FRMD6: variants seen among roughly 807,000 people sequenced by gnomAD.
FRMD6 encodes FERM domain containing 6.
A neutral mutation model predicts 73.2 loss-of-function variants in FRMD6; 37 were observed. That is an observed-to-expected ratio of 0.51 (90% CI 0.39 to 0.66). The LOEUF is 0.66. FRMD6 is among the 30% of genes least tolerant of loss of function. FRMD6 has a pLI of 0.00. For synonymous variants in FRMD6, 273 were observed against 282.2 expected (o/e 0.97, Z 0.33); for missense variants, 714 against 780.5 (o/e 0.91, Z 1.02).
At chr14:51,418,557 A>C in the FRMD6 span, among the ~76,000 whole-genome samples, 1 of 152,312 alleles carries the variant, frequency 6.6e-6, no homozygotes, top group East Asian at 1.9e-4. Flanking sequence ...GCTTCATCCC[A>C]GAGGGGCACC....
the FRMD6 span, among the ~76,000 whole-genome samples, chr14:51,403,698 A>G: frequency 6.6e-6 from 1 of 152,210 alleles, no homozygotes; most frequent in African/African-American, 2.4e-5. Context: ...CACCATGCCC[A>G]GTCTTGCAAC....
At chr14:51,428,254 T>G in the FRMD6 span, among the ~76,000 whole-genome samples, 1 of 152,128 alleles carries the variant, frequency 6.6e-6, no homozygotes, top group Admixed American at 6.5e-5. Context: ...CAATACAAAC[T>G]ATCAGTGCCC....
chr14:51,662,147 C>T (rs1893257628), intron 1 of FRMD6, among the ~76,000 whole-genome samples: 1 of 152,144 alleles, frequency 6.6e-6, no homozygotes, highest in Non-Finnish European at 1.5e-5. Flanking sequence ...AAGACTTTTT[C>T]ATTTCTAGTA....
chr14:51,466,069 C>T, the FRMD6 span, among the ~76,000 whole-genome samples: 1 of 151,804 alleles, frequency 6.6e-6, no homozygotes, highest in Non-Finnish European at 1.5e-5. Context: ...GAACATCTTT[C>T]TACATGTTTA....
At chr14:51,500,849 C>G (rs10400720) in intron 1 of FRMD6, among the ~76,000 whole-genome samples, 56,751 of 151,578 alleles carry the variant, frequency 0.37, 10,742 homozygotes, top group East Asian at 0.5. Context: ...ATACGGTGAG[C>G]AGTACAGTGA....
At chr14:51,631,764 T>C (rs1891345966) in intron 2 of FRMD6, among the ~76,000 whole-genome samples, 1 of 152,202 alleles carries the variant, frequency 6.6e-6, no homozygotes, top group Non-Finnish European at 1.5e-5. Flanking sequence ...TATCATGTAT[T>C]TAATATCAGT....
chr14:51,611,607 C>T (rs1890503949), intron 2 of FRMD6, among the ~76,000 whole-genome samples: 1 of 152,206 alleles, frequency 6.6e-6, no homozygotes, highest in South Asian at 2.1e-4. Context: ...CCTACTAAGA[C>T]ACAGATTTGA....
the FRMD6 span, among the ~76,000 whole-genome samples, chr14:51,481,313 T>A: frequency 3.9e-3 from 588 of 152,246 alleles, 4 homozygotes; most frequent in Non-Finnish European, 5.4e-3. Flanking sequence ...CTCACAATCA[T>A]GGCAGAAAGT....
intron 1 of FRMD6, among the ~76,000 whole-genome samples, chr14:51,497,854 G>A (rs1257523969): frequency 1.1e-4 from 16 of 152,196 alleles, no homozygotes; most frequent in Admixed American, 1.0e-3. Context: ...ATTTTGGGAT[G>A]AGGCTTCTAC....
At chr14:51,527,888 G>A (rs568152299) in intron 1 of FRMD6, among the ~76,000 whole-genome samples, 1 of 152,274 alleles carries the variant, frequency 6.6e-6, no homozygotes, top group Admixed American at 6.5e-5. Context: ...CCTTCAGTGA[G>A]GCTCAGTGGG....
the FRMD6 span, among the ~76,000 whole-genome samples, chr14:51,479,994 T>C: frequency 1.3e-5 from 2 of 152,342 alleles, no homozygotes; most frequent in African/African-American, 4.8e-5. Flanking sequence ...ATTTTGATAC[T>C]ATAAGCAATT....
chr14:51,509,528 A>AAAAACAAAACAAAAC (rs149803242), intron 1 of FRMD6, among the ~76,000 whole-genome samples: 13 of 150,356 alleles, frequency 8.6e-5, no homozygotes, highest in African/African-American at 3.2e-4. Flanking sequence ...CTCCGTCTCA[A>AAAAACAAAACAAAAC]AAAACAAAAC....
chr14:51,682,270 C>A (rs920644137), intron 1 of FRMD6, among the ~76,000 whole-genome samples: 8 of 152,048 alleles, frequency 5.3e-5, no homozygotes. Context: ...CAGATTTTAT[C>A]CCCCATCTTC....
At chr14:51,635,669 C>G (rs1891522764) in intron 2 of FRMD6, among the ~76,000 whole-genome samples, 2 of 152,176 alleles carry the variant, frequency 1.3e-5, no homozygotes, top group Admixed American at 1.3e-4. Flanking sequence ...AGCTTTAGAA[C>G]TCAGGACAAA....
intron 3 of FRMD6, 50 bp from the exon 4 acceptor site, chr14:51,701,006 T>A (rs768677726): frequency 2.2e-6 from 2 of 927,832 alleles, no homozygotes; most frequent in Non-Finnish European, 3.1e-6. Flanking sequence ...ATTTTTTTTC[T>A]TTTAAAAATC....
At chr14:51,428,757 T>G in the FRMD6 span, among the ~76,000 whole-genome samples, 1 of 152,114 alleles carries the variant, frequency 6.6e-6, no homozygotes, top group Non-Finnish European at 1.5e-5. Context: ...CCAATCCTTG[T>G]GGGTCTGGGC....
At chr14:51,404,909 G>T in the FRMD6 span, among the ~76,000 whole-genome samples, 41 of 151,832 alleles carry the variant, frequency 2.7e-4, no homozygotes, top group African/African-American at 9.7e-4. Context: ...TATTTTTTCT[G>T]CTCCTCTCCC....
chr14:51,467,835 C>T, the FRMD6 span, among the ~76,000 whole-genome samples: 1 of 152,022 alleles, frequency 6.6e-6, no homozygotes, highest in Admixed American at 6.5e-5. Context: ...GGGCTCCTCA[C>T]ATCCCAGACG....
chr14:51,511,395 C>A (rs1340164965), intron 1 of FRMD6, among the ~76,000 whole-genome samples: 1 of 152,102 alleles, frequency 6.6e-6, no homozygotes, highest in African/African-American at 2.4e-5. Flanking sequence ...TTATTCAGGG[C>A]AAAGTGATGT....
Sources: gnomAD v4.1 joint callset for allele counts (sites outside exome capture counted in the v4.1 genomes callset) on GRCh38, gnomAD v4.1.1 for gene constraint, MANE v1.5 for transcripts, NCBI Gene and HGNC (gene_info 2026-07-23, HGNC 2026-07-21) for gene names.